Variants in CBLB observed in about 807,000 individuals in gnomAD.
CBLB encodes the protein Cbl proto-oncogene B, also known as E3 ubiquitin-protein ligase CBL-B.
In CBLB, 31 loss-of-function variants were observed where a neutral mutation model predicts 104.9. That is an observed-to-expected ratio of 0.30 (90% CI 0.22 to 0.40). The LOEUF is 0.40. CBLB is among the 10% of genes least tolerant of loss of function. CBLB has a pLI of 1.00. For missense variants in CBLB, 1,062 were observed against 1,214.6 expected, an observed-to-expected ratio of 0.87 and a Z score of 1.87; for synonymous variants, 440 against 422.6, an observed-to-expected ratio of 1.04 and a Z score of -0.51.
intron 3 of CBLB, among the ~76,000 whole-genome samples, chr3:105,795,194 G>T (rs555041990): frequency 9.2e-5 from 14 of 152,278 alleles, no homozygotes; most frequent in African/African-American, 3.4e-4. Flanking sequence ...TTACAGGCGT[G>T]AGCCAATGGC....
intron 18 of CBLB, among the ~76,000 whole-genome samples, chr3:105,663,728 T>C (rs2064059991): frequency 6.6e-6 from 1 of 152,106 alleles, no homozygotes. Flanking sequence ...AGGTCATACA[T>C]TCTAGACGGG....
intron 3 of CBLB, among the ~76,000 whole-genome samples, chr3:105,818,939 GAA>G (rs578040099): frequency 4.1e-4 from 63 of 152,202 alleles, no homozygotes; most frequent in Middle Eastern, 3.4e-3. Flanking sequence ...AAACTATAGT[GAA>G]AAAGTTTGTT....
At chr3:105,757,488 C>A (rs1479247091) in intron 4 of CBLB, among the ~76,000 whole-genome samples, 1 of 152,108 alleles carries the variant, frequency 6.6e-6, no homozygotes, top group African/African-American at 2.4e-5. Context: ...AAGATGCAGG[C>A]AGCAAGGTAT....
intron 4 of CBLB, among the ~76,000 whole-genome samples, chr3:105,756,380 A>G (rs1378355368): frequency 1.3e-5 from 2 of 152,190 alleles, no homozygotes; most frequent in African/African-American, 4.8e-5. Context: ...TTATAATGCT[A>G]TCTAAAAGTC....
At chr3:105,825,778 T>C (rs1412545940) in intron 3 of CBLB, among the ~76,000 whole-genome samples, 1 of 152,194 alleles carries the variant, frequency 6.6e-6, no homozygotes, top group Non-Finnish European at 1.5e-5. Flanking sequence ...CTCTTCCTGA[T>C]GAAAACATAT....
At chr3:105,741,500 A>T (rs539751371) in intron 6 of CBLB, among the ~76,000 whole-genome samples, 2 of 152,218 alleles carry the variant, frequency 1.3e-5, no homozygotes, top group East Asian at 3.9e-4. Flanking sequence ...GGTTCACGCT[A>T]TTCTCCTGCT....
At chr3:105,805,401 T>C (rs2083375972) in intron 3 of CBLB, among the ~76,000 whole-genome samples, 1 of 151,254 alleles carries the variant, frequency 6.6e-6, no homozygotes, top group Non-Finnish European at 1.5e-5. Context: ...GCCTTCCAGG[T>C]TCAAGCGATT....
At chr3:105,761,983 T>C (rs1457114279) in intron 4 of CBLB, 1 of 152,268 alleles carries the variant, frequency 6.6e-6, no homozygotes, top group Non-Finnish European at 1.5e-5. Flanking sequence ...AAGGTGACTC[T>C]TGCTATGTTT....
chr3:105,868,656 C>G, intron 1 of CBLB, 80 bp downstream of exon 1: 1 of 944,170 alleles, frequency 1.1e-6, no homozygotes. Context: ...CCTCTTCCTC[C>G]TTGGCCCGCG....
chr3:105,672,770 T>C (rs1576213052), intron 17 of CBLB: 1 of 152,076 alleles, frequency 6.6e-6, no homozygotes, highest in Admixed American at 6.5e-5. Context: ...TTAGTACTTA[T>C]TTGAGAGATT....
At chr3:105,720,711 G>A (rs1013922603) in intron 9 of CBLB, among the ~76,000 whole-genome samples, 2 of 152,122 alleles carry the variant, frequency 1.3e-5, no homozygotes, top group Non-Finnish European at 2.9e-5. Context: ...GCATCTAACT[G>A]TGGCTAAATA....
chr3:105,785,297 T>C (rs977951435), intron 3 of CBLB, among the ~76,000 whole-genome samples: 16 of 152,212 alleles, frequency 1.1e-4, no homozygotes, highest in Non-Finnish European at 1.9e-4. Flanking sequence ...CCTATAAAAT[T>C]AGTTTACAGA....
intron 3 of CBLB, among the ~76,000 whole-genome samples, chr3:105,809,824 A>T (rs548806110): frequency 9.7e-4 from 148 of 152,286 alleles, no homozygotes; most frequent in Non-Finnish European, 1.5e-3. Flanking sequence ...AATAACAATA[A>T]AGCAATGGTA....
chr3:105,676,403 T>A (rs1156991397), intron 17 of CBLB, among the ~76,000 whole-genome samples: 3 of 152,124 alleles, frequency 2.0e-5, no homozygotes, highest in Non-Finnish European at 4.4e-5. Context: ...AAAGTGTGTA[T>A]TTGTGTAAAA....
intron 16 of CBLB, among the ~76,000 whole-genome samples, chr3:105,679,104 C>G (rs1292582194): frequency 6.6e-6 from 1 of 151,870 alleles, no homozygotes; most frequent in Admixed American, 6.6e-5. Context: ...GATATGCTGT[C>G]AAAATATACA....
chr3:105,805,479 T>C (rs911842737), intron 3 of CBLB, among the ~76,000 whole-genome samples: 6 of 152,220 alleles, frequency 3.9e-5, no homozygotes, highest in African/African-American at 1.2e-4. Flanking sequence ...TAATTTTTTG[T>C]ATGTTTAGTA....
intron 14 of CBLB, among the ~76,000 whole-genome samples, chr3:105,684,353 T>A (rs1015799779): frequency 1.3e-5 from 2 of 152,164 alleles, no homozygotes; most frequent in African/African-American, 4.8e-5. Flanking sequence ...CCAGAAATAA[T>A]AGATTTCAGT....
At chr3:105,801,998 C>T (rs575948928) in intron 3 of CBLB, among the ~76,000 whole-genome samples, 94 of 152,282 alleles carry the variant, frequency 6.2e-4, no homozygotes, top group African/African-American at 2.1e-3. Context: ...AGTATATATA[C>T]ATTTAAACCA....
At chr3:105,708,222 C>A (rs1414505815) in intron 10 of CBLB, among the ~76,000 whole-genome samples, 1 of 152,084 alleles carries the variant, frequency 6.6e-6, no homozygotes, top group Non-Finnish European at 1.5e-5. Flanking sequence ...ATAAAGGGAG[C>A]TGTTGGGGTA....
Sources: allele counts gnomAD v4.1 joint callset (sites outside exome capture counted in the v4.1 genomes callset), GRCh38; gene constraint gnomAD v4.1.1; transcripts MANE v1.5; gene names NCBI Gene and HGNC (gene_info 2026-07-23, HGNC 2026-07-21).